The following HMCN1 variants were observed in gnomAD, a reference collection of about 807,000 sequenced individuals.
The protein encoded by HMCN1 is hemicentin 1.
A neutral mutation model predicts 625.9 loss-of-function variants in HMCN1; 321 were observed. That is an observed-to-expected ratio of 0.51 (90% CI 0.47 to 0.56). HMCN1 has a LOEUF of 0.56. HMCN1 is among the 20% of genes least tolerant of loss of function. HMCN1 has a pLI of 0.00. For synonymous variants in HMCN1, 2,425 were observed against 2,417.6 expected, an observed-to-expected ratio of 1.00 and a Z score of -0.09; for missense variants, 6,588 against 6,887.3, an observed-to-expected ratio of 0.96 and a Z score of 1.54.
chr1:186,093,481 CAT>C lies in HMCN1; in HGVS notation c.10013-3_10013-2del. On this transcript the variant is annotated splice_region_variant and splice_polypyrimidine_tract_variant and intron_variant, in intron 65 of 106. Coordinates refer to ENST00000271588, the MANE Select transcript of HMCN1 (RefSeq NM_031935.3). ...TCCCTCTCTCTCACTTTCTGCACAACATAGTTACACCTACAATTAGGGGTAAT... is the reference window on the plus strand; with the variant it reads ...TCCCTCTCTCTCACTTTCTGCACAACAGTTACACCTACAATTAGGGGTAAT... The C allele has an allele frequency of 6.2e-7, 1 of 1,612,954 alleles. No homozygotes were observed. Among genetic ancestry groups the C allele is most frequent in the South Asian group, 1.1e-5 (1 of 91,064 alleles).
Position 186,054,003 on chromosome 1 carries a change from C to T in HMCN1, c.6862+17C>T. 6.2e-7 allele frequency: 1 copy of T among 1,610,168 alleles called. No individual in the cohort carries two copies. The highest frequency in any genetic ancestry group is 8.5e-7 in the Non-Finnish European group (1 of 1,178,024). ...AAGTTTACAGTAAGTTGTTGATTAGCCAGGCTTTGGCAAAATGTTCTCTTA... is the reference window on the plus strand; with the variant it reads ...AAGTTTACAGTAAGTTGTTGATTAGTCAGGCTTTGGCAAAATGTTCTCTTA... On this transcript the variant is annotated intron_variant, in intron 44 of 106. Coordinates refer to ENST00000271588, the MANE Select transcript of HMCN1 (RefSeq NM_031935.3).
chr1:185,991,868 A>G (rs1184481002), intron 22 of HMCN1, among the ~76,000 whole-genome samples: 1 of 152,138 alleles, frequency 6.6e-6, no homozygotes, highest in Non-Finnish European at 1.5e-5. Context: ...TTGCTTTCCA[A>G]AGGGACAGTA....
rs142475959 is a variant in HMCN1 at position 186,045,744 on chromosome 1, G to A, written c.6361G>A (p.Val2121Met). 4.9e-4 allele frequency: 798 copies of A among 1,613,280 alleles called. 2 individuals are homozygous for A. The highest frequency in any genetic ancestry group is 6.4e-4 in the Non-Finnish European group (751 of 1,179,384). ...QNVSVLISQAVELLCQSDAIP... is the reference protein window; with the variant it reads ...QNVSVLISQAMELLCQSDAIP... ...TGTCTCTGTCCTCATTAGCCAAGCT[G>A]TGGAATTACTATGTCAAAGTGATGC... Residue 2121 changes from valine to methionine, a missense_variant, in exon 41 of 107, where the codon GTG becomes ATG. Val to Met is a conservative substitution (Grantham distance 21, BLOSUM62 1). Coordinates refer to ENST00000271588, the MANE Select transcript of HMCN1 (RefSeq NM_031935.3).
intron 4 of HMCN1, among the ~76,000 whole-genome samples, chr1:185,893,655 C>T (rs1361678849): frequency 6.6e-6 from 1 of 152,112 alleles, no homozygotes; most frequent in Non-Finnish European, 1.5e-5. Flanking sequence ...CAGATATGTA[C>T]TTGAGCTTCT....
At chr1:185,913,144 A>G (rs1346855810) in intron 6 of HMCN1, among the ~76,000 whole-genome samples, 1 of 152,202 alleles carries the variant, frequency 6.6e-6, no homozygotes. Flanking sequence ...TAGGAAAAAT[A>G]GACACTCTTG....
chr1:186,054,404 A>G (rs1207161450), intron 44 of HMCN1, among the ~76,000 whole-genome samples: 1 of 152,040 alleles, frequency 6.6e-6, no homozygotes, highest in Non-Finnish European at 1.5e-5. Context: ...GAGCTGTTAT[A>G]TAAGACAAAA....
At chr1:186,133,140 T>TTAACCCAGCAATCCCATTAC (rs1662033829) in intron 86 of HMCN1, among the ~76,000 whole-genome samples, 2 of 152,040 alleles carry the variant, frequency 1.3e-5, no homozygotes, top group Non-Finnish European at 2.9e-5. Context: ...GAAATACCAT[T>TTAACCCAGCAATCCCATTAC]TAACCCAGCA....
chr1:185,935,750 T>C lies in HMCN1; in HGVS notation c.1828+1926T>C, dbSNP rs779068272. ...TTTCAAAAATCTAACAAAAATATAG[T>C]CTAGAATTGATAATACTGCTTAGTA... On this transcript the variant is annotated intron_variant, in intron 11 of 106. Coordinates refer to ENST00000271588, the MANE Select transcript of HMCN1 (RefSeq NM_031935.3). 4.7e-4 allele frequency among the ~76,000 whole-genome samples: 71 copies of C among 152,130 alleles called. 2 individuals are homozygous for C. The highest frequency in any genetic ancestry group is 1.3e-4 in the Non-Finnish European group (9 of 68,004).
At chr1:186,049,715 A>G (rs1656820742) in intron 42 of HMCN1, among the ~76,000 whole-genome samples, 1 of 152,058 alleles carries the variant, frequency 6.6e-6, no homozygotes, top group Non-Finnish European at 1.5e-5. Flanking sequence ...CCTATGATTT[A>G]TAGTTTATTC....
chr1:185,820,461 T>C (rs1286310605), intron 1 of HMCN1, among the ~76,000 whole-genome samples: 2 of 152,138 alleles, frequency 1.3e-5, no homozygotes, highest in Non-Finnish European at 2.9e-5. Context: ...ATAATGTTTT[T>C]AGTTGGTAGA....
intron 89 of HMCN1, among the ~76,000 whole-genome samples, chr1:186,140,716 T>G (rs1476112364): frequency 6.6e-6 from 1 of 152,166 alleles, no homozygotes; most frequent in Non-Finnish European, 1.5e-5. Flanking sequence ...TTTTGCAAAA[T>G]AGCTATTTTC....
intron 89 of HMCN1, among the ~76,000 whole-genome samples, chr1:186,141,687 T>C (rs990816489): frequency 3.3e-5 from 5 of 152,244 alleles, no homozygotes; most frequent in Admixed American, 1.3e-4. Flanking sequence ...GGATTTACTA[T>C]GTGTCCTGTA....
chr1:185,981,095 C>T, intron 17 of HMCN1, 22 bp downstream of exon 17: 1 of 1,350,270 alleles, frequency 7.4e-7, no homozygotes. Context: ...TGAATGTCTA[C>T]ATACCATGGT....
chr1:186,142,011 CATTTT>C (rs1650000157), intron 89 of HMCN1, among the ~76,000 whole-genome samples: 1 of 152,126 alleles, frequency 6.6e-6, no homozygotes, highest in Non-Finnish European at 1.5e-5. Flanking sequence ...TTTTAACTTT[CATTTT>C]AGTTTAGTTT....
rs752006746 is a variant in HMCN1 at position 185,977,805 on chromosome 1, A to G, written c.2390A>G (p.Gln797Arg). 6.8e-6 allele frequency: 11 copies of G among 1,612,622 alleles called. No homozygotes were observed. The South Asian group carries it at 1.1e-4, about 16-fold the overall frequency. Residue 797 changes from glutamine (Q) to arginine (R), a missense_variant, in exon 16 of 107, where the codon CAA (glutamine) becomes CGA (arginine). By Grantham distance (43) the Gln-to-Arg change is conservative (BLOSUM62 1). Transcript: ENST00000271588. ...CTTCCAGCACCTCCAGTTTTCATAC[A>G]AGAACCTGCTGATGTGTCTATGGAA... ...LDVGSPPVFIQEPADVSMEIG... is the reference protein window; with the variant it reads ...LDVGSPPVFIREPADVSMEIG...
At chr1:186,100,049 A>G (rs1660314633) in intron 68 of HMCN1, among the ~76,000 whole-genome samples, 2 of 152,036 alleles carry the variant, frequency 1.3e-5, no homozygotes, top group Non-Finnish European at 2.9e-5. Context: ...GGCCTGGTCT[A>G]GCATGTGGCA....
Position 186,067,944 on chromosome 1 carries a change from A to G in HMCN1, c.7816A>G (p.Thr2606Ala), listed in dbSNP as rs374050497. 1.1e-5 allele frequency: 17 copies of G among 1,613,384 alleles called. No individual in the cohort carries two copies. The African/African-American group carries it at 2.1e-4, about 20-fold the overall frequency. ...TGAAGCTTATTCATATCCTCCAGCTACCATCACCTGGTTTAAGGATGGCAC... is the reference window on the plus strand; with the variant it reads ...TGAAGCTTATTCATATCCTCCAGCTGCCATCACCTGGTTTAAGGATGGCAC... ...VCEAYSYPPA[T>A]ITWFKDGTPL... Residue 2606 changes from threonine to alanine, a missense_variant, in exon 50 of 107, where the codon ACC becomes GCC. Physicochemically the swap from Thr to Ala is moderately conservative, Grantham distance 58. Coordinates refer to ENST00000271588, the MANE Select transcript of HMCN1 (RefSeq NM_031935.3).
rs1467498288 is a variant in HMCN1, at chr1:186,007,231, G to C, written c.4579G>C (p.Val1527Leu). The change falls in exon 30 of 107, where the codon GTG becomes CTG. Residue 1527 changes from valine to leucine, a missense_variant. Physicochemically the swap from Val to Leu is conservative, Grantham distance 32. Around this residue, in one of 3 missense-constraint regions of HMCN1, gnomAD observed 4,628 missense variants for 4,853.1 expected, o/e 0.95. Transcript: ENST00000271588. ...TGACAAGGGGCGCTACCAATGTACT[G>C]TGTCTAATGCAGCTGGCAAACAAGC... ...RNDKGRYQCT[V>L]SNAAGKQAKD... 3.7e-6 allele frequency: 6 copies of C among 1,613,598 alleles called. No homozygotes were observed. The African/African-American group carries it at 8.0e-5, about 22-fold the overall frequency.
Position 186,079,424 on chromosome 1 carries a change from A to G in HMCN1, c.8599+1204A>G, listed in dbSNP as rs1359892405. Among the ~76,000 whole-genome samples, 3 of 152,166 alleles carry G rather than the reference A, an allele frequency of 2.0e-5. No homozygotes were observed. In the East Asian group the frequency reaches 5.8e-4, roughly 29 times the overall value. On this transcript the variant is annotated intron_variant, in intron 55 of 106. Transcript: ENST00000271588. ...ATGTCAAGCCATGCTATGCCATGCC[A>G]AACTGAGCCCCGTGCACAGTGTCGC...
Sources: allele counts gnomAD v4.1 joint callset (sites outside exome capture counted in the v4.1 genomes callset), GRCh38; gene constraint gnomAD v4.1.1; regional missense constraint gnomAD v4.1.1; transcripts MANE v1.5; gene names NCBI Gene and HGNC (gene_info 2026-07-23, HGNC 2026-07-21).